Variants in ARID3A observed in about 807,000 individuals in gnomAD.
ARID3A encodes the protein AT-rich interaction domain 3A.
Under a neutral mutation model 52.7 loss-of-function variants are expected in ARID3A, and 11 were observed. The ratio of observed to expected loss-of-function variants is 0.21; its 90% confidence interval spans 0.13 to 0.35. The LOEUF is 0.35. Among genes scored for constraint, ARID3A ranks in the 10% least tolerant of loss-of-function variants. ARID3A has a pLI of 1.00. For missense variants in ARID3A, 721 were observed against 838.5 expected (o/e 0.86, Z 1.73); for synonymous variants, 404 against 359.4 (o/e 1.12, Z -1.40).
chr19:966,804 A>G lies in ARID3A; in HGVS notation c.1431A>G (p.Ala477=). ...ADEQQRLMQR[A]LQQNFLAMAA... ...AGCAGCAACGGCTGATGCAACGTGC[A>G]CTCCAGCAGAACTTCCTGGCCATGG... Residue 477 remains alanine (A), a synonymous_variant, in exon 7 of 9, where the codon GCA becomes GCG. Coordinates refer to ENST00000263620, the MANE Select transcript of ARID3A (RefSeq NM_005224.3). 6.2e-7 allele frequency: 1 copy of G among 1,613,562 alleles called. No individual in the cohort carries two copies. Among genetic ancestry groups the G allele is most frequent in the South Asian group, 1.1e-5 (1 of 91,080 alleles).
chr19:939,045 C>T (rs2037492045), intron 3 of ARID3A, among the ~76,000 whole-genome samples: 1 of 151,432 alleles, frequency 6.6e-6, no homozygotes, highest in African/African-American at 2.4e-5. Context: ...ATTCTCCTGC[C>T]TCAGCCTCCC....
At chr19:952,441 CAA>C (rs10663796) in intron 3 of ARID3A, among the ~76,000 whole-genome samples, 116 of 59,770 alleles carry the variant, frequency 1.9e-3, no homozygotes, top group South Asian at 6.7e-3. Flanking sequence ...GACCCTGTCT[CAA>C]AAAAAAAAAA....
rs925479138 is a variant in ARID3A at position 941,889 on chromosome 19, CCACGTGTGCG to C, written c.693+9157_693+9166del. Among the ~76,000 whole-genome samples, 5 of 151,996 alleles carry C rather than the reference CCACGTGTGCG, an allele frequency of 3.3e-5. No homozygotes were observed. Among genetic ancestry groups the C allele is most frequent in the Admixed American group, 2.6e-4 (4 of 15,248 alleles). ...CCAAAAGCGTGCCTGCTTGGGCTCG[CCACGTGTGCG>C]CACGTGTGCCCGTGACAGACGACCT... On this transcript the variant is annotated intron_variant, in intron 3 of 8. Transcript: ENST00000263620. The surrounding 1 kb of genome is among the most constrained non-coding windows in gnomAD (Gnocchi z 6.9).
In ARID3A at chr19:971,905, C is replaced by G; in HGVS notation, c.1622C>G (p.Pro541Arg). 6.2e-7 allele frequency: 1 copy of G among 1,603,318 alleles called. No individual in the cohort carries two copies. The highest frequency in any genetic ancestry group is 8.5e-7 in the Non-Finnish European group (1 of 1,175,064). The change falls in exon 9 of 9, where the codon CCC becomes CGC. Residue 541 changes from proline to arginine, a missense_variant. Physicochemically the swap from Pro to Arg is moderately radical, Grantham distance 103 (BLOSUM62 -2). This residue lies in a region of ARID3A where 297 missense variants were observed against 343.2 expected (regional missense o/e 0.87). Transcript: ENST00000263620. ...TGVLFAQPPA[P>R]TPTSAPNKGG... ...GTTCTGTTTGCTCAGCCGCCGGCCCCCACGCCAACCTCTGCTCCCAACAAA... is the reference window on the plus strand; with the variant it reads ...GTTCTGTTTGCTCAGCCGCCGGCCCGCACGCCAACCTCTGCTCCCAACAAA...
chr19:966,524 C>T (rs1268669179), intron 6 of ARID3A, 48 bp from the exon 7 acceptor site: 3 of 1,452,142 alleles, frequency 2.1e-6, no homozygotes, highest in Non-Finnish European at 2.8e-6. Context: ...GAGTGGAAGG[C>T]AGGGCCCAGC....
At position 960,207 on chromosome 19, in the gene ARID3A, A is replaced by C; in HGVS notation, c.766+43A>C. ...ACCCCGCTGGAGGGAGGTCACAGAA[A>C]CAGGGCTGTAGGAGGGGCCCTACTG... is the stretch of plus-strand genomic sequence containing the variant. On this transcript the variant is annotated intron_variant, in intron 4 of 8. Coordinates refer to ENST00000263620, the MANE Select transcript of ARID3A (RefSeq NM_005224.3). This position sits in a 1 kb window ranked among gnomAD's most constrained non-coding sequence, Gnocchi z 4.3. 1 of 1,564,046 alleles carries C rather than the reference A, an allele frequency of 6.4e-7. No homozygotes were observed.
chr19:927,379 C>G (rs2037223897), intron 1 of ARID3A, among the ~76,000 whole-genome samples: 1 of 151,982 alleles, frequency 6.6e-6, no homozygotes, highest in Admixed American at 6.5e-5. Flanking sequence ...GGGGGGGCAC[C>G]CAGCCCTGAC....
At position 966,658 on chromosome 19, in the gene ARID3A, G is replaced by A. The variant is rs937201928; in HGVS notation, c.1285G>A (p.Ala429Thr). 103 of 1,608,590 alleles carry A rather than the reference G, an allele frequency of 6.4e-5. No individual in the cohort carries two copies. The highest frequency in any genetic ancestry group is 7.0e-5 in the Non-Finnish European group (82 of 1,176,708). ...CCCTGTGGTGGCAGCCCAGGCAGCA[G>A]CTGTGCAAGCAGCAGCCGCCCAAGC... ...GHPVVAAQAAAVQAAAAQAAV... is the reference protein window; with the variant it reads ...GHPVVAAQAATVQAAAAQAAV... The change falls in exon 7 of 9, where the codon GCT becomes ACT. Residue 429 changes from alanine to threonine, a missense_variant. Transcript: ENST00000263620.
rs2037636359 is a variant in ARID3A, at chr19:944,584, G to A, written c.693+11842G>A. ...AGGACCCCCGACCCCGGCCCTGGGA[G>A]GGCCCGACTGCCAGCCTGGCTGAAC... On this transcript the variant is annotated intron_variant, in intron 3 of 8. Transcript: ENST00000263620. The surrounding 1 kb of genome is among the most constrained non-coding windows in gnomAD (Gnocchi z 5.9). Among the ~76,000 whole-genome samples the A allele has an allele frequency of 1.3e-5, 2 of 152,156 alleles. No individual in the cohort carries two copies. The highest frequency in any genetic ancestry group is 4.8e-5 in the African/African-American group (2 of 41,436).
At position 965,005 on chromosome 19, in the gene ARID3A, C is replaced by G. The variant is rs1473621977; in HGVS notation, c.1123C>G (p.Leu375Val). Residue 375 changes from leucine to valine, a missense_variant, in exon 6 of 9, where the codon CTA (leucine) becomes GTA (valine). Around this residue, in one of 5 missense-constraint regions of ARID3A, gnomAD observed 297 missense variants for 343.2 expected, o/e 0.87. Transcript: ENST00000263620. ...GAHGMLSSPK[L>V]PVSSLGLAAS... ...ACACGGCATGCTCTCCTCACCCAAG[C>G]TACCCGTGTCCTCCCTGGGCCTGGC... The G allele has an allele frequency of 6.2e-7, 1 of 1,613,716 alleles. No homozygotes were observed. Among genetic ancestry groups the G allele is most frequent in the Non-Finnish European group, 8.5e-7 (1 of 1,180,024 alleles).
rs1026672378 is a variant in ARID3A, at chr19:947,049, C to A, written c.694-13043C>A. ...GGCTCGAGCAGTCTGCCCACCTCGG[C>A]CTCCCACAGTGCTGGGATCAAAGGT... On this transcript the variant is annotated intron_variant, in intron 3 of 8. Transcript: ENST00000263620. This position sits in a 1 kb window ranked among gnomAD's most constrained non-coding sequence, Gnocchi z 6.3. Among the ~76,000 whole-genome samples the A allele has an allele frequency of 2.6e-5, 4 of 151,966 alleles. No homozygotes were observed. The highest frequency in any genetic ancestry group is 5.9e-5 in the Non-Finnish European group (4 of 68,006).
intron 3 of ARID3A, among the ~76,000 whole-genome samples, chr19:943,558 ACT>A (rs1290678227): frequency 6.6e-6 from 1 of 151,272 alleles, no homozygotes; most frequent in Non-Finnish European, 1.5e-5. Flanking sequence ...ACAGAGCGAG[ACT>A]CTGTCTCAAA....
chr19:954,880 C>T (rs2037884657), intron 3 of ARID3A, among the ~76,000 whole-genome samples: 1 of 152,160 alleles, frequency 6.6e-6, no homozygotes, highest in Non-Finnish European at 1.5e-5. Flanking sequence ...CACACCCGAC[C>T]CCTCCCGTGA....
intron 7 of ARID3A, among the ~76,000 whole-genome samples, chr19:967,703 C>T (rs1221337394): frequency 1.3e-5 from 2 of 152,098 alleles, no homozygotes; most frequent in Non-Finnish European, 2.9e-5. Context: ...ATCTAGTTGG[C>T]GAGACAGACA....
intron 1 of ARID3A, among the ~76,000 whole-genome samples, chr19:926,496 G>A (rs1362396438): frequency 1.3e-5 from 2 of 151,742 alleles, no homozygotes; most frequent in South Asian, 2.1e-4. Context: ...CGCGCGCGGG[G>A]GGCTGCACCC....
At position 964,196 on chromosome 19, in the gene ARID3A, C is replaced by A; in HGVS notation, c.767-52C>A. 1 of 1,506,142 alleles carries A rather than the reference C, an allele frequency of 6.6e-7. No individual in the cohort carries two copies. The highest frequency in any genetic ancestry group is 1.2e-5 in the South Asian group (1 of 83,094). 93.3% of individuals were successfully genotyped at this position (1,506,142 alleles called of 1,614,324 possible). On this transcript the variant is annotated intron_variant, in intron 4 of 8. Coordinates refer to ENST00000263620, the MANE Select transcript of ARID3A (RefSeq NM_005224.3). This position sits in a 1 kb window ranked among gnomAD's most constrained non-coding sequence, Gnocchi z 5.7. Reference sequence around the variant, plus strand: ...AGAGGGCGGAGGCCAGGACACTCGGCTCCCTGCAGTGCCCAGGTGGCCCCC... The same window carrying A: ...AGAGGGCGGAGGCCAGGACACTCGGATCCCTGCAGTGCCCAGGTGGCCCCC...
rs1023182497 is a variant in ARID3A at position 933,707 on chromosome 19, C to T, written c.693+965C>T. On this transcript the variant is annotated intron_variant, in intron 3 of 8. Transcript: ENST00000263620. ...CCGGGGCTCCTGACTCCAGGGGTGCCGGGTAGCTTAAGGGGCGGCCCTAAC... is the reference window on the plus strand; with the variant it reads ...CCGGGGCTCCTGACTCCAGGGGTGCTGGGTAGCTTAAGGGGCGGCCCTAAC... Among the ~76,000 whole-genome samples, 137 of 152,242 alleles carry T rather than the reference C, an allele frequency of 9.0e-4. 1 individual carries two copies. The highest frequency in any genetic ancestry group is 2.5e-4 in the Non-Finnish European group (17 of 67,978).
chr19:972,061 C>T lies in ARID3A; in HGVS notation c.1778C>T (p.Pro593Leu). 2 of 1,543,404 alleles carry T rather than the reference C, an allele frequency of 1.3e-6. No homozygotes were observed. The highest frequency in any genetic ancestry group is 1.4e-5 in the African/African-American group (1 of 71,206). ...ACATCTACCTCAAATAACTCGTTGCCTTAACCGCATCACTCCCCACCCGCC... is the reference window on the plus strand; with the variant it reads ...ACATCTACCTCAAATAACTCGTTGCTTTAACCGCATCACTCCCCACCCGCC... ...PSTSTSNNSL[P>L] is the part of the protein sequence containing the mutation. Residue 593 changes from proline (P) to leucine (L), a missense_variant, in exon 9 of 9, where the codon CCT (proline) becomes CTT (leucine). Transcript: ENST00000263620.
intron 3 of ARID3A, among the ~76,000 whole-genome samples, chr19:953,456 A>AC (rs1050650837): frequency 6.6e-5 from 9 of 136,768 alleles, no homozygotes; most frequent in Non-Finnish European, 1.1e-4. Flanking sequence ...GGCACCTCCC[A>AC]CCCCCCCAGG....
Sources: allele counts gnomAD v4.1 joint callset (sites outside exome capture counted in the v4.1 genomes callset), GRCh38; gene constraint gnomAD v4.1.1; regional missense constraint gnomAD v4.1.1; non-coding constraint Gnocchi (gnomAD v3.1); transcripts MANE v1.5; gene names NCBI Gene and HGNC (gene_info 2026-07-23, HGNC 2026-07-21).